Variants in SUCLG2 observed in about 807,000 individuals in gnomAD.
The protein encoded by SUCLG2 is succinate-CoA ligase GDP-forming subunit beta.
A neutral mutation model predicts 47.9 loss-of-function variants in SUCLG2; 42 were observed. That is an observed-to-expected ratio of 0.88 (90% CI 0.69 to 1.14). The LOEUF (loss-of-function observed/expected upper bound fraction) is 1.14, where lower values mean the gene tolerates loss of function less well. Ranked by LOEUF, SUCLG2 falls within the 50% of genes most tolerant of loss-of-function variation. SUCLG2 has a pLI of 0.00. For synonymous variants in SUCLG2, 195 were observed against 197.3 expected, an observed-to-expected ratio of 0.99 and a Z score of 0.10; for missense variants, 571 against 525.9, an observed-to-expected ratio of 1.09 and a Z score of -0.84.
chr3:67,626,789 C>T (rs1700837494), intron 1 of SUCLG2, among the ~76,000 whole-genome samples: 1 of 151,778 alleles, frequency 6.6e-6, no homozygotes, highest in African/African-American at 2.4e-5. Context: ...TGGCGGGCAC[C>T]TGTAGTCCCA....
intron 1 of SUCLG2, among the ~76,000 whole-genome samples, chr3:67,647,762 CTG>C (rs774534591): frequency 1.3e-5 from 2 of 152,218 alleles, no homozygotes; most frequent in Non-Finnish European, 2.9e-5. Context: ...TTCATCCCAA[CTG>C]TGGAATCCTG....
chr3:67,533,767 C>T (rs1706463802), intron 2 of SUCLG2, among the ~76,000 whole-genome samples: 1 of 152,122 alleles, frequency 6.6e-6, no homozygotes, highest in Admixed American at 6.5e-5. Context: ...ACTATGATAT[C>T]ACCTATAGAA....
Position 67,498,133 on chromosome 3 carries a change from C to T in SUCLG2, c.919+1G>A, listed in dbSNP as rs1191041605. 6.2e-7 allele frequency: 1 copy of T among 1,604,624 alleles called. No homozygotes were observed. Among genetic ancestry groups the T allele is most frequent in the Admixed American group, 1.7e-5 (1 of 59,784 alleles). ...ATTCTTTTGATATAACTGCTTCTTA[C>T]CAAAGCAGGCAATGTTCCCATCTAG... is the stretch of plus-strand genomic sequence containing the variant. On this transcript the variant is annotated splice_donor_variant, in intron 8 of 10. Coordinates refer to ENST00000307227, the MANE Select transcript of SUCLG2 (RefSeq NM_003848.4). LOFTEE classifies it high-confidence loss of function.
chr3:67,640,448 C>A (rs1427133668), intron 1 of SUCLG2, among the ~76,000 whole-genome samples: 1 of 152,216 alleles, frequency 6.6e-6, no homozygotes, highest in Admixed American at 6.5e-5. Context: ...CTTTTCTCTG[C>A]ATACCATCTG....
At chr3:67,457,172 T>C (rs1704206939) in intron 9 of SUCLG2, among the ~76,000 whole-genome samples, 1 of 152,158 alleles carries the variant, frequency 6.6e-6, no homozygotes, top group Non-Finnish European at 1.5e-5. Flanking sequence ...ATCTCCATTT[T>C]TGGGTGCTGC....
chr3:67,578,083 T>G (rs182279224), intron 2 of SUCLG2, among the ~76,000 whole-genome samples: 256 of 152,018 alleles, frequency 1.7e-3, no homozygotes, highest in Non-Finnish European at 1.6e-3. Flanking sequence ...TTGGTCAACA[T>G]TTTTAACTCC....
rs564101748 is a variant in SUCLG2 at position 67,496,053 on chromosome 3, A to G, written c.920-113T>C. The G allele has an allele frequency of 1.3e-5, 17 of 1,268,306 alleles. No individual in the cohort carries two copies. The East Asian group carries it at 3.2e-4, about 24-fold the overall frequency. 78.6% of individuals were successfully genotyped at this position (1,268,306 alleles called of 1,614,324 possible). A position where few individuals can be genotyped will look rare whatever the true frequency, so the allele number is the denominator to read the frequency against. On this transcript the variant is annotated intron_variant, in intron 8 of 10. Transcript: ENST00000307227. ...AGAGAACTCTGTCATTGCCAGGCCA[A>G]TTTATATCCTGTTTGGAATTCCATT...
At chr3:67,496,634 T>C (rs1456340642) in intron 8 of SUCLG2, among the ~76,000 whole-genome samples, 1 of 152,212 alleles carries the variant, frequency 6.6e-6, no homozygotes, top group Non-Finnish European at 1.5e-5. Context: ...ACCCAACCGT[T>C]AAAACTGGAA....
chr3:67,624,673 A>G (rs1700792067), intron 1 of SUCLG2, among the ~76,000 whole-genome samples: 1 of 152,192 alleles, frequency 6.6e-6, no homozygotes, highest in African/African-American at 2.4e-5. Context: ...TTAGCCAGGG[A>G]GGGGGAGAGG....
At chr3:67,543,572 G>C (rs1008619561) in intron 2 of SUCLG2, among the ~76,000 whole-genome samples, 1 of 152,134 alleles carries the variant, frequency 6.6e-6, no homozygotes, top group African/African-American at 2.4e-5. Context: ...GGCTGAGGTG[G>C]GAGGATCCCT....
intron 6 of SUCLG2, among the ~76,000 whole-genome samples, chr3:67,510,373 A>T (rs1705754178): frequency 1.3e-5 from 2 of 152,238 alleles, no homozygotes; most frequent in African/African-American, 4.8e-5. Context: ...GAGTATGATT[A>T]AATATTTTTA....
At chr3:67,561,682 T>C (rs1421169187) in intron 2 of SUCLG2, among the ~76,000 whole-genome samples, 1 of 152,200 alleles carries the variant, frequency 6.6e-6, no homozygotes, top group Non-Finnish European at 1.5e-5. Flanking sequence ...CCCCCTACTC[T>C]ATTCCCATCC....
At chr3:67,537,490 T>A (rs548024237) in intron 2 of SUCLG2, among the ~76,000 whole-genome samples, 1 of 152,242 alleles carries the variant, frequency 6.6e-6, no homozygotes, top group East Asian at 1.9e-4. Flanking sequence ...TTGGGTTGGT[T>A]CCAAGTCTTT....
At chr3:67,391,955 C>G (rs1051771835) in intron 10 of SUCLG2, among the ~76,000 whole-genome samples, 24 of 152,188 alleles carry the variant, frequency 1.6e-4, no homozygotes. Context: ...CACAGCCTGT[C>G]TGAGGTCGTT....
intron 10 of SUCLG2, among the ~76,000 whole-genome samples, chr3:67,366,716 AT>A (rs1237381958): frequency 6.6e-6 from 1 of 152,182 alleles, no homozygotes; most frequent in Non-Finnish European, 1.5e-5. Context: ...GTTGAGCAGA[AT>A]TTAGCCCCCT....
chr3:67,365,048 G>C (rs2106741947), intron 10 of SUCLG2, among the ~76,000 whole-genome samples: 1 of 152,272 alleles, frequency 6.6e-6, no homozygotes, highest in African/African-American at 2.4e-5. Flanking sequence ...CAGCAAAATG[G>C]AGGGCACAGA....
intron 10 of SUCLG2, among the ~76,000 whole-genome samples, chr3:67,368,052 T>C (rs1453509912): frequency 6.6e-6 from 1 of 152,250 alleles, no homozygotes; most frequent in Non-Finnish European, 1.5e-5. Context: ...TTCCATTTAC[T>C]ACTTTTAGAT....
intron 9 of SUCLG2, among the ~76,000 whole-genome samples, chr3:67,426,113 TAGACA>T (rs1443329981): frequency 2.0e-5 from 3 of 152,200 alleles, no homozygotes; most frequent in South Asian, 2.1e-4. Flanking sequence ...TCCAGGAGGT[TAGACA>T]AGACAAGATT....
chr3:67,512,481 G>A (rs941840109), intron 6 of SUCLG2, among the ~76,000 whole-genome samples: 1 of 150,802 alleles, frequency 6.6e-6, no homozygotes, highest in African/African-American at 2.5e-5. Flanking sequence ...CCTCTGCAGA[G>A]TCAACACTCG....
Sources: allele counts gnomAD v4.1 joint callset (sites outside exome capture counted in the v4.1 genomes callset), GRCh38; gene constraint gnomAD v4.1.1; transcripts MANE v1.5; gene names NCBI Gene and HGNC (gene_info 2026-07-23, HGNC 2026-07-21).